The following LDB2 variants were observed in gnomAD, a reference collection of about 807,000 sequenced individuals.
The protein encoded by LDB2 is LIM domain-binding protein 2.
In LDB2, 12 loss-of-function variants were observed where a neutral mutation model predicts 44.3. The observed-to-expected ratio is 0.27, with a 90% CI of 0.17 to 0.44. LDB2 has a LOEUF of 0.44. Ranked by LOEUF, LDB2 falls within the 20% of genes least tolerant of loss-of-function variation. The pLI, the probability that LDB2 is intolerant of heterozygous loss-of-function variation, is 1.00. For synonymous variants in LDB2, 164 were observed against 174.8 expected, an observed-to-expected ratio of 0.94 and a Z score of 0.49; for missense variants, 344 against 473.5, an observed-to-expected ratio of 0.73 and a Z score of 2.54.
intron 5 of LDB2, among the ~76,000 whole-genome samples, chr4:16,526,751 G>A (rs148607934): frequency 2.3e-4 from 35 of 152,318 alleles, no homozygotes; most frequent in Non-Finnish European, 4.9e-4. Flanking sequence ...GGAAAGACAA[G>A]GAAACAGATT....
chr4:16,585,999 C>T lies in LDB2; in HGVS notation c.538G>A (p.Asp180Asn). Residue 180 changes from aspartate (D) to asparagine (N), a missense_variant, in exon 5 of 8, where the codon GAT (aspartate) becomes AAT (asparagine). Around this residue, in one of 3 missense-constraint regions of LDB2, gnomAD observed 226 missense variants for 270.1 expected, o/e 0.84. Transcript: ENST00000304523. ...PRSILAMHAQ[D>N]PQVLDQLSKN... is the part of the protein sequence containing the mutation. ...GACAGCTGATCCAGGACCTGAGGAT[C>T]TTGTGCCTAAATGGAAAAAAAACCC... 6.2e-7 allele frequency: 1 copy of T among 1,613,378 alleles called. No homozygotes were observed.
chr4:16,858,730 AT>A (rs1789891762), intron 1 of LDB2, among the ~76,000 whole-genome samples: 1 of 152,082 alleles, frequency 6.6e-6, no homozygotes, highest in Non-Finnish European at 1.5e-5. Context: ...TGTTGGATTT[AT>A]TTTTTTAAAC....
chr4:16,687,114 G>GA lies in LDB2; in HGVS notation c.235+72043dup, dbSNP rs61404516. 1.4e-3 allele frequency among the ~76,000 whole-genome samples: 211 copies of GA among 146,642 alleles called. 1 individual carries two copies. Among genetic ancestry groups the GA allele is most frequent in the Non-Finnish European group, 2.4e-3 (156 of 66,310 alleles). The stretch of plus-strand genomic sequence containing the variant: ...TTGCCTGACTTTCCTCTATAAACTT[G>GA]AAAAAAAAAACCATTAACTTCAGTT... On this transcript the variant is annotated intron_variant, in intron 2 of 7. Coordinates refer to ENST00000304523, the MANE Select transcript of LDB2 (RefSeq NM_001290.5).
chr4:16,568,625 T>C (rs1021223008), intron 5 of LDB2, among the ~76,000 whole-genome samples: 7 of 152,142 alleles, frequency 4.6e-5, no homozygotes, highest in Non-Finnish European at 1.0e-4. Flanking sequence ...ACTCAGGAGA[T>C]TGGTTCCAGG....
intron 1 of LDB2, among the ~76,000 whole-genome samples, chr4:16,765,388 T>G (rs1427799323): frequency 6.6e-6 from 1 of 152,228 alleles, no homozygotes; most frequent in Non-Finnish European, 1.5e-5. Flanking sequence ...TGACCTACAA[T>G]GTCCAGCAAA....
chr4:16,617,102 T>A (rs144704507), intron 2 of LDB2, among the ~76,000 whole-genome samples: 2,200 of 152,108 alleles, frequency 0.014, 31 homozygotes, highest in South Asian at 0.046. Flanking sequence ...AAGAAGGAAG[T>A]TGGAAAGGCA....
intron 2 of LDB2, among the ~76,000 whole-genome samples, chr4:16,609,772 C>T (rs987168600): frequency 6.6e-6 from 1 of 152,146 alleles, no homozygotes; most frequent in Non-Finnish European, 1.5e-5. Context: ...CTTAGCCTCT[C>T]CTCCTAGTAG....
chr4:16,634,714 A>G (rs934557069), intron 2 of LDB2, among the ~76,000 whole-genome samples: 1 of 152,190 alleles, frequency 6.6e-6, no homozygotes, highest in Non-Finnish European at 1.5e-5. Context: ...TAGTTCAACC[A>G]TCGTGGAAGA....
chr4:16,747,802 G>A (rs1474160398), intron 2 of LDB2, among the ~76,000 whole-genome samples: 1 of 152,138 alleles, frequency 6.6e-6, no homozygotes, highest in Admixed American at 6.5e-5. Context: ...GAGACACCAT[G>A]TGTGTCTATG....
At chr4:16,634,468 C>T (rs1295621620) in intron 2 of LDB2, among the ~76,000 whole-genome samples, 2 of 151,990 alleles carry the variant, frequency 1.3e-5, no homozygotes, top group African/African-American at 4.8e-5. Context: ...ACAACCCCAT[C>T]AAAAAATAGG....
intron 1 of LDB2, among the ~76,000 whole-genome samples, chr4:16,853,603 T>G (rs981629814): frequency 3.0e-4 from 46 of 152,284 alleles, no homozygotes; most frequent in African/African-American, 1.1e-3. Context: ...AACTAACATG[T>G]GGCTTAGTAA....
At chr4:16,659,675 A>G (rs28672265) in intron 2 of LDB2, among the ~76,000 whole-genome samples, 62 of 45,710 alleles carry the variant, frequency 1.4e-3, no homozygotes, top group South Asian at 1.8e-3. Flanking sequence ...ATGTGTGTAT[A>G]TATATATATA....
intron 1 of LDB2, among the ~76,000 whole-genome samples, chr4:16,816,410 T>TTTC (rs1780916473): frequency 7.0e-6 from 1 of 142,498 alleles, no homozygotes; most frequent in Admixed American, 7.0e-5. Context: ...TTTCTTTCTT[T>TTTC]TTTTTTTTTT....
intron 2 of LDB2, among the ~76,000 whole-genome samples, chr4:16,725,266 A>G (rs1759183724): frequency 6.6e-6 from 1 of 152,104 alleles, no homozygotes; most frequent in Admixed American, 6.6e-5. Flanking sequence ...ACACACGCAC[A>G]CACACGCACA....
chr4:16,652,185 G>T (rs1738469390), intron 2 of LDB2, among the ~76,000 whole-genome samples: 1 of 152,110 alleles, frequency 6.6e-6, no homozygotes, highest in African/African-American at 2.4e-5. Context: ...GGCCTCAAGT[G>T]ATCCTCCCAC....
At chr4:16,835,036 C>T (rs1245569595) in intron 1 of LDB2, among the ~76,000 whole-genome samples, 1 of 152,144 alleles carries the variant, frequency 6.6e-6, no homozygotes, top group Non-Finnish European at 1.5e-5. Flanking sequence ...ATGGTGCAGA[C>T]TGCTTGATCC....
At chr4:16,542,931 C>T (rs1236238375) in intron 5 of LDB2, among the ~76,000 whole-genome samples, 1 of 114,962 alleles carries the variant, frequency 8.7e-6, no homozygotes, top group African/African-American at 3.3e-5. Flanking sequence ...CCCCTCCCCC[C>T]ACCCCACCAT....
At chr4:16,815,257 C>T (rs2109904077) in intron 1 of LDB2, among the ~76,000 whole-genome samples, 1 of 152,314 alleles carries the variant, frequency 6.6e-6, no homozygotes, top group East Asian at 1.9e-4. Flanking sequence ...ACAATTTTAA[C>T]CAGGCCAAAT....
At chr4:16,579,204 T>A (rs1447523979) in intron 5 of LDB2, among the ~76,000 whole-genome samples, 2 of 152,236 alleles carry the variant, frequency 1.3e-5, no homozygotes, top group Non-Finnish European at 2.9e-5. Context: ...ACACAAAAGA[T>A]AAATGCTTGA....
Sources: allele counts gnomAD v4.1 joint callset (sites outside exome capture counted in the v4.1 genomes callset), GRCh38; gene constraint gnomAD v4.1.1; regional missense constraint gnomAD v4.1.1; transcripts MANE v1.5; gene names NCBI Gene and HGNC (gene_info 2026-07-23, HGNC 2026-07-21).